CTBS: variants seen among roughly 807,000 people sequenced by gnomAD.
CTBS encodes di-N-acetylchitobiase.
Under a neutral mutation model 44.3 loss-of-function variants are expected in CTBS, and 35 were observed. The observed-to-expected ratio is 0.79, with a 90% CI of 0.60 to 1.05. The LOEUF (loss-of-function observed/expected upper bound fraction) is 1.05, where lower values mean the gene tolerates loss of function less well. Ranked by LOEUF, CTBS falls within the 50% of genes least tolerant of loss-of-function variation. The probability of loss-of-function intolerance (pLI) is 0.00; values close to 1 mark genes in which losing one functional copy is unlikely to be tolerated. For synonymous variants in CTBS, 143 were observed against 168.0 expected (o/e 0.85, Z 1.15); for missense variants, 458 against 475.3 (o/e 0.96, Z 0.34).
chr1:84,574,324 AGCAGC>A lies in CTBS; in HGVS notation c.87_91del (p.Leu30GlyfsTer16). 1.2e-6 allele frequency: 1 copy of A among 802,728 alleles called. No homozygotes were observed. Among genetic ancestry groups the A allele is most frequent in the Non-Finnish European group, 1.6e-6 (1 of 610,182 alleles). 49.7% of individuals were successfully genotyped at this position (802,728 alleles called of 1,614,324 possible). A position where few individuals can be genotyped will look rare whatever the true frequency, so the allele number is the denominator to read the frequency against. ...GGTCCCGGCCGCGAGCCGCAGCGCC[AGCAGC>A]GCCAGCAGCGCCAGCAGCGCTAGAC... On this transcript the variant is annotated frameshift_variant, in exon 1 of 7. Coordinates refer to ENST00000370630, the MANE Select transcript of CTBS (RefSeq NM_004388.3). LOFTEE classifies it high-confidence loss of function.
At chr1:84,571,796 G>A (rs370089048) in intron 1 of CTBS, among the ~76,000 whole-genome samples, 2 of 152,192 alleles carry the variant, frequency 1.3e-5, no homozygotes, top group Middle Eastern at 3.2e-3. Flanking sequence ...GATGGTGCAC[G>A]AAAACTTTTC....
chr1:84,569,894 A>C (rs1408774223), intron 3 of CTBS, 37 bp downstream of exon 3: 7 of 1,529,200 alleles, frequency 4.6e-6, no homozygotes, highest in Non-Finnish European at 6.3e-6. Context: ...TCTGATATGG[A>C]AAATATGAGG....
At chr1:84,557,322 C>T (rs1417749000) in intron 6 of CTBS, among the ~76,000 whole-genome samples, 2 of 151,982 alleles carry the variant, frequency 1.3e-5, no homozygotes, top group African/African-American at 4.8e-5. Context: ...CACCTGAGGT[C>T]AGGAGTTCAA....
intron 3 of CTBS, among the ~76,000 whole-genome samples, chr1:84,566,565 G>A (rs1023986312): frequency 3.3e-5 from 5 of 152,174 alleles, no homozygotes; most frequent in African/African-American, 7.2e-5. Context: ...GATTAATCAA[G>A]TCAAAATGTT....
At position 84,553,800 on chromosome 1, in the gene CTBS, G is replaced by A. The variant is rs918458807; in HGVS notation, c.*1199C>T. 4 of 152,192 alleles carry A rather than the reference G, an allele frequency of 2.6e-5. No individual in the cohort carries two copies. In the East Asian group the frequency reaches 7.7e-4, roughly 29 times the overall value. The allele number at this position is 152,192 out of a possible 1,614,324, so 9.4% of individuals were successfully genotyped here. On this transcript the variant is annotated 3_prime_UTR_variant, in exon 7 of 7. Coordinates refer to ENST00000370630, the MANE Select transcript of CTBS (RefSeq NM_004388.3). ...GGGGCAAAATGTGCAGGGAAGCCAG[G>A]ATTTATGTAAATCTAGAGTTCAAAG...
chr1:84,561,244 T>C (rs1411133057), intron 6 of CTBS, among the ~76,000 whole-genome samples: 9 of 152,164 alleles, frequency 5.9e-5, no homozygotes, highest in Non-Finnish European at 1.0e-4. Context: ...ACAACCCTCA[T>C]GGATGACATT....
In CTBS at chr1:84,552,968, G is replaced by T; in HGVS notation, c.*2031C>A. On this transcript the variant is annotated 3_prime_UTR_variant, in exon 7 of 7. Transcript: ENST00000370630. ...GCGGTTACAAAAACCCTGTTTACAT[G>T]ACAACTATGATGTACTTTTAGAAGG... The T allele has an allele frequency of 1.9e-6, 2 of 1,079,406 alleles. No individual in the cohort carries two copies. Among genetic ancestry groups the T allele is most frequent in the South Asian group, 3.1e-5 (2 of 65,202 alleles). 66.9% of individuals were successfully genotyped at this position (1,079,406 alleles called of 1,614,324 possible).
rs80026762 is a variant in CTBS, at chr1:84,574,210, G to A, written c.177+29C>T. ...ACTTCTCTTCGTGCCCTGAAGCCCA[G>A]ACCTAGAGGAGCAGAGGAAGGCGCT... On this transcript the variant is annotated intron_variant, in intron 1 of 6. Transcript: ENST00000370630. The A allele has an allele frequency of 2.6e-3, 4,076 of 1,598,052 alleles. 166 individuals are homozygous for A. The East Asian group carries it at 0.085, about 33-fold the overall frequency.
intron 6 of CTBS, among the ~76,000 whole-genome samples, chr1:84,558,343 G>A (rs988537703): frequency 6.7e-6 from 1 of 150,340 alleles, no homozygotes; most frequent in Middle Eastern, 3.2e-3. Flanking sequence ...AGGCTGGAGT[G>A]CAGTGGCGGG....
chr1:84,569,911 A>G lies in CTBS; in HGVS notation c.525+20T>C. 6.2e-7 allele frequency: 1 copy of G among 1,601,084 alleles called. No individual in the cohort carries two copies. The highest frequency in any genetic ancestry group is 1.1e-5 in the South Asian group (1 of 90,166). Reference sequence around the variant, plus strand: ...TGATATGGAAAATATGAGGTTTCCAAAAAATAAATGAGTTTTTACCTGTGA... The same window carrying G: ...TGATATGGAAAATATGAGGTTTCCAGAAAATAAATGAGTTTTTACCTGTGA... On this transcript the variant is annotated intron_variant, in intron 3 of 6. Transcript: ENST00000370630.
Position 84,565,910 on chromosome 1 carries a change from C to T in CTBS, c.628G>A (p.Asp210Asn). The T allele has an allele frequency of 6.2e-7, 1 of 1,600,630 alleles. No homozygotes were observed. Among genetic ancestry groups the T allele is most frequent in the South Asian group, 1.1e-5 (1 of 88,572 alleles). ...ACDFLFVMSY[D>N]EQSQIWSECI... ...TCTGACCAGATCTGACTTTGTTCAT[C>T]ATAAGACATCACAAAGAGGAAGTCA... The change falls in exon 4 of 7, where the codon GAT becomes AAT. Residue 210 changes from aspartate (D) to asparagine (N), a missense_variant. Coordinates refer to ENST00000370630, the MANE Select transcript of CTBS (RefSeq NM_004388.3).
rs1363224523 is a variant in CTBS, at chr1:84,552,234, G to T, written c.*2765C>A. Reference sequence around the variant, plus strand: ...GTCTCTTGCAACCATATTTATTCAAGATAGTATAGCATAAGTAGTGCTTCT... The same window carrying T: ...GTCTCTTGCAACCATATTTATTCAATATAGTATAGCATAAGTAGTGCTTCT... On this transcript the variant is annotated 3_prime_UTR_variant, in exon 7 of 7. Transcript: ENST00000370630. 6.6e-6 allele frequency: 1 copy of T among 152,242 alleles called. No homozygotes were observed. Among genetic ancestry groups the T allele is most frequent in the South Asian group, 2.1e-4 (1 of 4,820 alleles). The allele number at this position is 152,242 out of a possible 1,614,324, so 9.4% of individuals were successfully genotyped here.
chr1:84,568,806 CTCTT>C (rs1209585573), intron 3 of CTBS, among the ~76,000 whole-genome samples: 10 of 152,258 alleles, frequency 6.6e-5, no homozygotes, highest in African/African-American at 2.4e-4. Flanking sequence ...CCCACCCTCT[CTCTT>C]TCTCCTTCTC....
At chr1:84,569,180 T>A (rs1220338770) in intron 3 of CTBS, among the ~76,000 whole-genome samples, 1 of 152,204 alleles carries the variant, frequency 6.6e-6, no homozygotes, top group East Asian at 1.9e-4. Context: ...TTGTCTAGCC[T>A]ATTACTTCTT....
At chr1:84,570,983 A>G (rs968003911) in intron 1 of CTBS, among the ~76,000 whole-genome samples, 1 of 152,180 alleles carries the variant, frequency 6.6e-6, no homozygotes, top group Non-Finnish European at 1.5e-5. Flanking sequence ...GTAACTAAAT[A>G]TTTAGTATGG....
At chr1:84,566,714 C>T (rs112168764) in intron 3 of CTBS, among the ~76,000 whole-genome samples, 2 of 152,160 alleles carry the variant, frequency 1.3e-5, no homozygotes, top group Non-Finnish European at 2.9e-5. Flanking sequence ...CTCACTGCAA[C>T]CTCTGCCTCC....
chr1:84,563,042 C>T (rs1423416426), intron 6 of CTBS, among the ~76,000 whole-genome samples: 1 of 152,102 alleles, frequency 6.6e-6, no homozygotes, highest in East Asian at 1.9e-4. Context: ...GTGGCCCAAG[C>T]AGAGTAGATT....
intron 1 of CTBS, among the ~76,000 whole-genome samples, chr1:84,573,411 T>G (rs1357639070): frequency 6.6e-6 from 1 of 152,248 alleles, no homozygotes; most frequent in Non-Finnish European, 1.5e-5. Flanking sequence ...TTTAATAAGA[T>G]GTTAGGTTTC....
At chr1:84,570,991 T>G (rs571448242) in intron 1 of CTBS, among the ~76,000 whole-genome samples, 1 of 152,078 alleles carries the variant, frequency 6.6e-6, no homozygotes, top group African/African-American at 2.4e-5. Flanking sequence ...ATATTTAGTA[T>G]GGCCGACGTC....
Sources: allele counts gnomAD v4.1 joint callset (sites outside exome capture counted in the v4.1 genomes callset), GRCh38; gene constraint gnomAD v4.1.1; transcripts MANE v1.5; gene names NCBI Gene and HGNC (gene_info 2026-07-23, HGNC 2026-07-21).